The following FHIT variants were observed in gnomAD, a reference collection of about 807,000 sequenced individuals.
FHIT encodes fragile histidine triad diadenosine triphosphatase, also known as bis(5'-adenosyl)-triphosphatase.
In FHIT, 19 loss-of-function variants were observed where a neutral mutation model predicts 17.9. The ratio of observed to expected loss-of-function variants is 1.06; its 90% CI spans 0.74 to 1.56. FHIT has a LOEUF of 1.56. FHIT is among the 40% of genes most tolerant of loss of function. The probability of loss-of-function intolerance (pLI) is 0.00; values close to 1 mark genes in which losing one functional copy is unlikely to be tolerated. For synonymous variants in FHIT, 81 were observed against 69.7 expected, an observed-to-expected ratio of 1.16 and a Z score of -0.81; for missense variants, 248 against 189.2, an observed-to-expected ratio of 1.31 and a Z score of -1.82.
chr3:60,793,483 A>G (rs1427729378), intron 4 of FHIT, among the ~76,000 whole-genome samples: 4 of 152,078 alleles, frequency 2.6e-5, no homozygotes, highest in African/African-American at 9.7e-5. Flanking sequence ...TTCTATTTTT[A>G]GTACAGACAG....
At chr3:60,334,225 C>A (rs1559829248) in intron 5 of FHIT, among the ~76,000 whole-genome samples, 1 of 152,222 alleles carries the variant, frequency 6.6e-6, no homozygotes, top group East Asian at 1.9e-4. Context: ...TGAGCCAATC[C>A]TGAGTGTGTA....
chr3:59,857,705 G>GTTTTTGTTTT (rs1553697955), intron 8 of FHIT, among the ~76,000 whole-genome samples: 4 of 115,402 alleles, frequency 3.5e-5, no homozygotes, highest in African/African-American at 1.4e-4. Flanking sequence ...AAAGTGCTGG[G>GTTTTTGTTTT]TTTTTTTTTT....
chr3:61,128,885 G>A (rs910043249), intron 2 of FHIT, among the ~76,000 whole-genome samples: 16 of 151,680 alleles, frequency 1.1e-4, no homozygotes, highest in African/African-American at 3.9e-4. Context: ...AAGGTTCACT[G>A]GCATACATAA....
intron 4 of FHIT, among the ~76,000 whole-genome samples, chr3:60,737,324 A>G (rs2205358): frequency 0.025 from 3,772 of 152,318 alleles, 175 homozygotes; most frequent in African/African-American, 0.084. Flanking sequence ...CTTTGCATAA[A>G]CTGCAGCTTC....
At chr3:61,048,088 C>T (rs547838293) in intron 2 of FHIT, among the ~76,000 whole-genome samples, 3 of 151,560 alleles carry the variant, frequency 2.0e-5, no homozygotes, top group African/African-American at 7.3e-5. Flanking sequence ...GTCTAAAACA[C>T]CAAAAGCAAT....
At chr3:60,540,624 C>T (rs371072611) in intron 4 of FHIT, among the ~76,000 whole-genome samples, 88 of 152,284 alleles carry the variant, frequency 5.8e-4, no homozygotes, top group African/African-American at 2.1e-3. Context: ...ATTGTTGTTG[C>T]TGGTGTGAAA....
At chr3:60,326,698 G>A (rs1246851442) in intron 5 of FHIT, among the ~76,000 whole-genome samples, 1 of 152,164 alleles carries the variant, frequency 6.6e-6, no homozygotes, top group Non-Finnish European at 1.5e-5. Context: ...AAAAATGGAC[G>A]ATGTCCCCTT....
chr3:59,750,486 T>C (rs1015058297), intron 9 of FHIT: 3 of 224,212 alleles, frequency 1.3e-5, no homozygotes, highest in Non-Finnish European at 2.7e-5. Flanking sequence ...TTAGGTAAAC[T>C]AAACTAGCTT....
At chr3:61,215,726 T>C (rs887614658) in intron 1 of FHIT, among the ~76,000 whole-genome samples, 2 of 152,030 alleles carry the variant, frequency 1.3e-5, no homozygotes, top group African/African-American at 4.8e-5. Context: ...GAGGCATCAC[T>C]CTACCTGACT....
intron 3 of FHIT, among the ~76,000 whole-genome samples, chr3:61,004,791 C>G (rs1297230336): frequency 6.6e-6 from 1 of 152,072 alleles, no homozygotes; most frequent in African/African-American, 2.4e-5. Context: ...ATCCCTGATT[C>G]CTGGTATTAA....
intron 2 of FHIT, among the ~76,000 whole-genome samples, chr3:61,177,975 C>A (rs1018241899): frequency 6.6e-6 from 1 of 152,130 alleles, no homozygotes; most frequent in African/African-American, 2.4e-5. Context: ...AATTAAAAAT[C>A]TATCAGTGAT....
chr3:61,138,624 C>T (rs552967807), intron 2 of FHIT, among the ~76,000 whole-genome samples: 1 of 152,352 alleles, frequency 6.6e-6, no homozygotes. Context: ...CATGCTATTG[C>T]TTCCCAGCAG....
At chr3:60,532,554 A>T (rs1322911173) in intron 5 of FHIT, among the ~76,000 whole-genome samples, 1 of 152,232 alleles carries the variant, frequency 6.6e-6, no homozygotes, top group East Asian at 1.9e-4. Flanking sequence ...TGATTCTGTC[A>T]CCAAGAAACT....
intron 5 of FHIT, among the ~76,000 whole-genome samples, chr3:60,349,021 G>A (rs1710941620): frequency 6.6e-6 from 1 of 152,154 alleles, no homozygotes; most frequent in Non-Finnish European, 1.5e-5. Context: ...ATAAACATGT[G>A]TAGTATGGCA....
chr3:60,074,499 C>A (rs2106997288), intron 5 of FHIT, among the ~76,000 whole-genome samples: 1 of 151,608 alleles, frequency 6.6e-6, no homozygotes, highest in East Asian at 1.9e-4. Context: ...TTTGCTTATT[C>A]ATTCATTCAT....
intron 5 of FHIT, among the ~76,000 whole-genome samples, chr3:60,135,915 A>G (rs867961037): frequency 1.2e-4 from 18 of 152,232 alleles, no homozygotes; most frequent in Middle Eastern, 3.4e-3. Context: ...TAAACTGTCC[A>G]TCATCGCCCC....
chr3:61,113,022 G>A (rs2036205313), intron 2 of FHIT, among the ~76,000 whole-genome samples: 1 of 151,790 alleles, frequency 6.6e-6, no homozygotes, highest in Admixed American at 6.6e-5. Flanking sequence ...TTGTTTGTTT[G>A]AGACAGAGTC....
chr3:61,097,599 C>T (rs2035682299), intron 2 of FHIT, among the ~76,000 whole-genome samples: 1 of 152,064 alleles, frequency 6.6e-6, no homozygotes, highest in Admixed American at 6.6e-5. Flanking sequence ...TTTTCCACAC[C>T]CTGACCAGCA....
intron 5 of FHIT, among the ~76,000 whole-genome samples, chr3:60,420,899 C>T (rs1702440739): frequency 6.6e-6 from 1 of 152,068 alleles, no homozygotes; most frequent in African/African-American, 2.4e-5. Context: ...TCCATCTCTC[C>T]ACCCCACATC....
Sources: allele counts gnomAD v4.1 joint callset (sites outside exome capture counted in the v4.1 genomes callset), GRCh38; gene constraint gnomAD v4.1.1; transcripts MANE v1.5; gene names NCBI Gene and HGNC (gene_info 2026-07-23, HGNC 2026-07-21).